KCNQ5: variants seen among roughly 807,000 people sequenced by gnomAD.
The protein encoded by KCNQ5 is potassium voltage-gated channel subfamily Q member 5, also known as potassium voltage-gated channel subfamily KQT member 5.
KCNQ5 carries 30 observed loss-of-function variants against 98.2 expected under a neutral mutation model. The ratio of observed to expected loss-of-function variants is 0.31; its 90% confidence interval spans 0.23 to 0.41. KCNQ5 has a LOEUF of 0.41. Ranked by LOEUF, KCNQ5 falls within the 10% of genes least tolerant of loss-of-function variation. The pLI, the probability that KCNQ5 is intolerant of heterozygous loss-of-function variation, is 1.00. For missense variants in KCNQ5, 835 were observed against 1,182.5 expected, an observed-to-expected ratio of 0.71 and a Z score of 4.31; for synonymous variants, 458 against 449.4, an observed-to-expected ratio of 1.02 and a Z score of -0.24.
intron 1 of KCNQ5, among the ~76,000 whole-genome samples, chr6:72,979,360 C>T (rs1238049870): frequency 1.3e-5 from 2 of 152,134 alleles, no homozygotes; most frequent in African/African-American, 4.8e-5. Context: ...TTTTAATGAT[C>T]TCCATTCTAA....
At position 72,946,357 on chromosome 6, in the gene KCNQ5, T is replaced by C. The variant is rs75988266; in HGVS notation, c.399-57551T>C. On this transcript the variant is annotated intron_variant, in intron 1 of 13. Transcript: ENST00000370398. ...AATTGACATAGATGAGATTAGCACC[T>C]TTCCCCATTCATTTTATGATATACC... is the stretch of plus-strand genomic sequence containing the variant. Among the ~76,000 whole-genome samples the C allele has an allele frequency of 3.6e-3, 548 of 152,326 alleles. 1 individual carries two copies. The highest frequency in any genetic ancestry group is 0.013 in the African/African-American group (521 of 41,578).
chr6:72,662,659 C>G (rs1484043954), intron 1 of KCNQ5, among the ~76,000 whole-genome samples: 1 of 151,916 alleles, frequency 6.6e-6, no homozygotes, highest in Non-Finnish European at 1.5e-5. Context: ...TAGAAAGGCT[C>G]CTGACATTGT....
At chr6:73,064,177 G>A (rs1772948061) in intron 3 of KCNQ5, among the ~76,000 whole-genome samples, 1 of 152,096 alleles carries the variant, frequency 6.6e-6, no homozygotes. Flanking sequence ...AAAACTTTTA[G>A]CAGTAGGTGA....
intron 1 of KCNQ5, among the ~76,000 whole-genome samples, chr6:72,783,029 G>C (rs77727414): frequency 0.032 from 4,927 of 152,240 alleles, 256 homozygotes; most frequent in African/African-American, 0.11. Flanking sequence ...CTCTGGTAGG[G>C]GACCTAGAGA....
intron 1 of KCNQ5, among the ~76,000 whole-genome samples, chr6:72,710,619 C>T (rs1582151488): frequency 1.3e-5 from 2 of 152,082 alleles, no homozygotes; most frequent in African/African-American, 2.4e-5. Context: ...GTGATAAAAG[C>T]GTCAGTTCAT....
chr6:72,868,554 A>G (rs1581928544), intron 1 of KCNQ5, among the ~76,000 whole-genome samples: 1 of 152,162 alleles, frequency 6.6e-6, no homozygotes, highest in East Asian at 1.9e-4. Context: ...ATGGAAGGAA[A>G]TGAATTCAGG....
chr6:72,749,788 G>A (rs1582218660), intron 1 of KCNQ5, among the ~76,000 whole-genome samples: 2 of 152,036 alleles, frequency 1.3e-5, no homozygotes, highest in African/African-American at 4.8e-5. Flanking sequence ...ACCTGCCACT[G>A]AGGCATTTGG....
chr6:73,168,635 G>T (rs776542241), intron 10 of KCNQ5, among the ~76,000 whole-genome samples: 1 of 151,992 alleles, frequency 6.6e-6, no homozygotes, highest in Non-Finnish European at 1.5e-5. Flanking sequence ...CCCAATAGGG[G>T]TGGTGGTTAC....
chr6:72,999,282 T>G (rs1211399007), intron 1 of KCNQ5, among the ~76,000 whole-genome samples: 1 of 152,110 alleles, frequency 6.6e-6, no homozygotes, highest in African/African-American at 2.4e-5. Flanking sequence ...AAACATAGAG[T>G]CCTTTGAGTT....
intron 1 of KCNQ5, among the ~76,000 whole-genome samples, chr6:72,751,480 A>G (rs566687671): frequency 6.6e-6 from 1 of 152,222 alleles, no homozygotes; most frequent in South Asian, 2.1e-4. Context: ...TCATTATTAA[A>G]AAGGAGAAAT....
chr6:72,700,283 A>G (rs577939178), intron 1 of KCNQ5, among the ~76,000 whole-genome samples: 166 of 143,628 alleles, frequency 1.2e-3, no homozygotes, highest in African/African-American at 4.2e-3. Context: ...TGGCCAATCT[A>G]TATATCTATA....
intron 2 of KCNQ5, among the ~76,000 whole-genome samples, chr6:73,015,415 A>G (rs1053407074): frequency 1.3e-5 from 2 of 152,148 alleles, no homozygotes; most frequent in East Asian, 1.9e-4. Context: ...AAGTTGCCCC[A>G]TAAAAAGTAT....
At chr6:72,755,566 C>A (rs993314468) in intron 1 of KCNQ5, among the ~76,000 whole-genome samples, 2 of 151,986 alleles carry the variant, frequency 1.3e-5, no homozygotes, top group Non-Finnish European at 2.9e-5. Flanking sequence ...CTATCACAGT[C>A]TATCTTCAAG....
intron 1 of KCNQ5, among the ~76,000 whole-genome samples, chr6:72,793,981 G>T (rs918734520): frequency 4.6e-5 from 7 of 152,220 alleles, no homozygotes; most frequent in African/African-American, 1.7e-4. Context: ...TCTTGACATT[G>T]CTGGAGTGTT....
At chr6:72,820,717 A>T (rs1020353950) in intron 1 of KCNQ5, among the ~76,000 whole-genome samples, 1 of 152,150 alleles carries the variant, frequency 6.6e-6, no homozygotes, top group African/African-American at 2.4e-5. Context: ...ACAGAAAAAG[A>T]CAGGCAACCC....
intron 6 of KCNQ5, among the ~76,000 whole-genome samples, chr6:73,106,007 G>A (rs1774982527): frequency 6.6e-6 from 1 of 152,074 alleles, no homozygotes; most frequent in South Asian, 2.1e-4. Flanking sequence ...ATTACAGTTT[G>A]CCCCCATTTC....
intron 1 of KCNQ5, among the ~76,000 whole-genome samples, chr6:72,712,101 G>T (rs539951931): frequency 6.6e-6 from 1 of 152,046 alleles, no homozygotes; most frequent in South Asian, 2.1e-4. Context: ...GAACAGTGCT[G>T]GTATACAGGA....
intron 1 of KCNQ5, among the ~76,000 whole-genome samples, chr6:72,780,742 A>T (rs1773422925): frequency 6.6e-6 from 1 of 152,174 alleles, no homozygotes; most frequent in Non-Finnish European, 1.5e-5. Flanking sequence ...AAATAATGAT[A>T]TTAGATTTGA....
chr6:72,948,905 A>C (rs567911463), intron 1 of KCNQ5, among the ~76,000 whole-genome samples: 30 of 152,294 alleles, frequency 2.0e-4, no homozygotes, highest in South Asian at 1.0e-3. Context: ...ACAGCAAACA[A>C]ATGCACATAT....
Sources: allele counts gnomAD v4.1 joint callset (sites outside exome capture counted in the v4.1 genomes callset), GRCh38; gene constraint gnomAD v4.1.1; transcripts MANE v1.5; gene names NCBI Gene and HGNC (gene_info 2026-07-23, HGNC 2026-07-21).